The following TRIM10 variants were observed in gnomAD, a reference collection of about 807,000 sequenced individuals.
TRIM10 encodes the protein tripartite motif-containing protein 10.
In TRIM10, 42 loss-of-function variants were observed where a neutral mutation model predicts 40.0. The observed-to-expected ratio is 1.05, with a 90% CI of 0.82 to 1.36. TRIM10 has a LOEUF of 1.36. Among genes scored for constraint, TRIM10 ranks in the 40% most tolerant of loss-of-function variants. TRIM10 has a pLI of 0.00. For missense variants in TRIM10, 601 were observed against 608.3 expected, an observed-to-expected ratio of 0.99 and a Z score of 0.13; for synonymous variants, 260 against 239.5, an observed-to-expected ratio of 1.09 and a Z score of -0.79.
rs1772248300 is a variant in TRIM10 at position 30,153,863 on chromosome 6, A to G, written c.*106T>C. On this transcript the variant is annotated 3_prime_UTR_variant, in exon 7 of 7. Coordinates refer to ENST00000449742, the MANE Select transcript of TRIM10 (RefSeq NM_006778.4). ...CCCCATCCCATCTTCTAAAGCAGTC[A>G]TTTCTATTCCAAGTCATCCAGGTGA... The G allele has an allele frequency of 6.3e-6, 10 of 1,599,906 alleles. No individual in the cohort carries two copies. The highest frequency in any genetic ancestry group is 7.7e-6 in the Non-Finnish European group (9 of 1,171,532).
intron 5 of TRIM10, 87 bp downstream of exon 5, chr6:30,156,852 C>A: frequency 1.7e-6 from 2 of 1,187,030 alleles, no homozygotes; most frequent in Non-Finnish European, 1.3e-6. Flanking sequence ...GCCAAAGTCA[C>A]ACCTTTCAGC....
rs1478258807 is a variant in TRIM10, at chr6:30,152,994, T to G, written c.*975A>C. ...TTGACCTCAGATGGTAATCAACTGATCAGGAAGACAATTTCCCTAGGGTTG... is the reference window on the plus strand; with the variant it reads ...TTGACCTCAGATGGTAATCAACTGAGCAGGAAGACAATTTCCCTAGGGTTG... On this transcript the variant is annotated 3_prime_UTR_variant, in exon 7 of 7. Transcript: ENST00000449742. 1 of 152,244 alleles carries G rather than the reference T, an allele frequency of 6.6e-6. No individual in the cohort carries two copies. The highest frequency in any genetic ancestry group is 2.4e-5 in the African/African-American group (1 of 41,444). 9.4% of individuals were successfully genotyped at this position (152,244 alleles called of 1,614,324 possible). A position where few individuals can be genotyped will look rare whatever the true frequency, so the allele number is the denominator to read the frequency against.
In TRIM10 at chr6:30,157,066, G is replaced by A. The variant is rs733888; in HGVS notation, c.780-12C>T. On this transcript the variant is annotated splice_polypyrimidine_tract_variant and intron_variant, in intron 4 of 6. Transcript: ENST00000449742. ...TTCTGGTTTCACATCTAGGGGCACA[G>A]AAATGGCTGGGTCTGGGAATTATCA... 2 of 1,611,206 alleles carry A rather than the reference G, an allele frequency of 1.2e-6. No homozygotes were observed. The highest frequency in any genetic ancestry group is 1.1e-5 in the South Asian group (1 of 90,942).
chr6:30,154,238 C>A lies in TRIM10; in HGVS notation c.1177G>T (p.Glu393Ter). 6.2e-7 allele frequency: 1 copy of A among 1,612,962 alleles called. No homozygotes were observed. Among genetic ancestry groups the A allele is most frequent in the Non-Finnish European group, 8.5e-7 (1 of 1,179,974 alleles). Residue 393 changes from glutamate (E) to a stop codon, truncating the protein, a stop_gained, in exon 7 of 7, where the codon GAG (glutamate) becomes TAG (stop). Transcript: ENST00000449742. LOFTEE classifies it high-confidence loss of function. ...CCCTCCTCTGGCCGCAGCCGAAGCT[C>A]CCCCTTCCGCTGCACATCCTCGCTC... is the stretch of plus-strand genomic sequence containing the variant. ...VVSEDVQRKGELRLRPEEGVW... is the reference protein window; with the variant it reads ...VVSEDVQRKG
rs966209813 is a variant in TRIM10, at chr6:30,161,141, C to T, written c.-283G>A. 6.6e-6 allele frequency among the ~76,000 whole-genome samples: 1 copy of T among 152,150 alleles called. No homozygotes were observed. Among genetic ancestry groups the T allele is most frequent in the African/African-American group, 2.4e-5 (1 of 41,416 alleles). On this transcript the variant is annotated 5_prime_UTR_variant, in exon 1 of 7. Coordinates refer to ENST00000449742, the MANE Select transcript of TRIM10 (RefSeq NM_006778.4). ...TGACCATAACCAGGGGCTGGCCATT[C>T]CTTTCTGCCCATCCAGAGACACTCA...
Position 30,161,025 on chromosome 6 carries a change from A to T in TRIM10, c.-167T>A. 3 of 689,280 alleles carry T rather than the reference A, an allele frequency of 4.4e-6. No individual in the cohort carries two copies. The highest frequency in any genetic ancestry group is 7.2e-6 in the Non-Finnish European group (3 of 419,470). The allele number at this position is 689,280 out of a possible 1,614,324, so 42.7% of individuals were successfully genotyped here. On this transcript the variant is annotated 5_prime_UTR_variant, in exon 1 of 7. Transcript: ENST00000449742. ...TCACACACTTGCATCTCTGGCAGCC[A>T]GGGTTCTATTCTCCTGCCAACAGCA...
Position 30,160,917 on chromosome 6 carries a change from G to A in TRIM10, c.-59C>T. The A allele has an allele frequency of 1.3e-6, 2 of 1,499,882 alleles. No individual in the cohort carries two copies. Among genetic ancestry groups the A allele is most frequent in the Non-Finnish European group, 1.8e-6 (2 of 1,125,410 alleles). The allele number at this position is 1,499,882 out of a possible 1,614,324, so 92.9% of individuals were successfully genotyped here. ...CTCTCTCTGCTTGGCCACGGGGGAAGGGCTGGGTCACACACTCACACACCC... is the reference window on the plus strand; with the variant it reads ...CTCTCTCTGCTTGGCCACGGGGGAAAGGCTGGGTCACACACTCACACACCC... On this transcript the variant is annotated 5_prime_UTR_variant, in exon 1 of 7. Transcript: ENST00000449742.
chr6:30,157,657 C>CTTTTTTTTTT (rs9278596), intron 3 of TRIM10, among the ~76,000 whole-genome samples: 4 of 77,862 alleles, frequency 5.1e-5, no homozygotes, highest in Admixed American at 1.5e-4. Context: ...GGCTAATTTT[C>CTTTTTTTTTT]TTTTTTTTTT....
intron 5 of TRIM10, 33 bp from the exon 6 acceptor site, chr6:30,155,792 T>C (rs1466107718): frequency 6.2e-7 from 1 of 1,607,046 alleles, no homozygotes; most frequent in African/African-American, 1.3e-5. Context: ...TGAGATTTTA[T>C]TAGTCTTACA....
rs182648002 is a variant in TRIM10 at position 30,156,149 on chromosome 6, G to T, written c.896-390C>A. Among the ~76,000 whole-genome samples the T allele has an allele frequency of 1.6e-4, 25 of 152,192 alleles. No individual in the cohort carries two copies. The East Asian group carries it at 3.9e-3, about 23-fold the overall frequency. ...ATATCTGCTTAGTGAATAGAGAAAT[G>T]GGTTCATTTATTTATTATTCCACTT... On this transcript the variant is annotated intron_variant, in intron 5 of 6. Transcript: ENST00000449742.
chr6:30,158,676 C>G (rs1554189162), intron 2 of TRIM10, 47 bp from the exon 3 acceptor site: 1 of 1,448,636 alleles, frequency 6.9e-7, no homozygotes, highest in Non-Finnish European at 9.7e-7. Flanking sequence ...CTTCCTCCTT[C>G]TCCCTCTGCT....
At position 30,153,670 on chromosome 6, in the gene TRIM10, T is replaced by A. The variant is rs546198554; in HGVS notation, c.*299A>T. 1.2e-6 allele frequency: 2 copies of A among 1,604,502 alleles called. No individual in the cohort carries two copies. The highest frequency in any genetic ancestry group is 3.4e-5 in the Admixed American group (2 of 58,374). ...GTTCAAGAACCCAGGTCTTCTGACT[T>A]CAAATCCAGTGCCCTTTCTATGCAG... On this transcript the variant is annotated 3_prime_UTR_variant, in exon 7 of 7. Transcript: ENST00000449742.
In TRIM10 at chr6:30,153,769, C is replaced by A; in HGVS notation, c.*200G>T. 6.2e-7 allele frequency: 1 copy of A among 1,613,082 alleles called. No individual in the cohort carries two copies. Among genetic ancestry groups the A allele is most frequent in the Non-Finnish European group, 8.5e-7 (1 of 1,180,042 alleles). On this transcript the variant is annotated 3_prime_UTR_variant, in exon 7 of 7. Transcript: ENST00000449742. The stretch of plus-strand genomic sequence containing the variant: ...CTGAGTCCCCAGGTACCCTGGCCAT[C>A]CACTGGGCATTGGGGAAAGGACTTG...
At chr6:30,155,915 TCA>T (rs1772487833) in intron 5 of TRIM10, among the ~76,000 whole-genome samples, 156 bp from the exon 6 acceptor site, 2 of 152,214 alleles carry the variant, frequency 1.3e-5, no homozygotes, top group African/African-American at 4.8e-5. Flanking sequence ...TGCATCAGAA[TCA>T]TCTGGAGCTC....
chr6:30,154,492 G>C lies in TRIM10; in HGVS notation c.929-6C>G. On this transcript the variant is annotated splice_polypyrimidine_tract_variant and splice_region_variant and intron_variant, in intron 6 of 6. Coordinates refer to ENST00000449742, the MANE Select transcript of TRIM10 (RefSeq NM_006778.4). ...AGGGTCTAGAGAAATGTGAGCTGTGGGGATAACCAAAAGGGACAGATGTCA... is the reference window on the plus strand; with the variant it reads ...AGGGTCTAGAGAAATGTGAGCTGTGCGGATAACCAAAAGGGACAGATGTCA... 6.2e-7 allele frequency: 1 copy of C among 1,608,260 alleles called. No individual in the cohort carries two copies. The highest frequency in any genetic ancestry group is 1.1e-5 in the South Asian group (1 of 91,038).
chr6:30,154,684 GCC>G, intron 6 of TRIM10, 198 bp from the exon 7 acceptor site: 2 of 743,910 alleles, frequency 2.7e-6, no homozygotes, highest in Non-Finnish European at 4.7e-6. Flanking sequence ...CTAACAAGAT[GCC>G]CAGGTGATTT....
At chr6:30,157,139 T>A in intron 4 of TRIM10, 85 bp from the exon 5 acceptor site, 1 of 1,359,988 alleles carries the variant, frequency 7.4e-7, no homozygotes, top group Non-Finnish European at 1.0e-6. Context: ...TAATAGGGCA[T>A]GATGGCGCTA....
At chr6:30,163,985 C>T (rs1773386250), upstream of TRIM10, 1 of 1,613,028 alleles carries the variant, frequency 6.2e-7, no homozygotes, top group Non-Finnish European at 8.5e-7. Context: ...TGCCGAGTTC[C>T]TCTGTGTGTT....
At chr6:30,163,247 G>A (rs530926602), upstream of TRIM10, 93 of 182,638 alleles carry the variant, frequency 5.1e-4, no homozygotes, top group African/African-American at 2.1e-3. Context: ...GAAGTTTATG[G>A]CTCCCACCTG....
Sources: allele counts gnomAD v4.1 joint callset (sites outside exome capture counted in the v4.1 genomes callset), GRCh38; gene constraint gnomAD v4.1.1; transcripts MANE v1.5; gene names NCBI Gene and HGNC (gene_info 2026-07-23, HGNC 2026-07-21).